The following SHISAL1 variants were observed in gnomAD, a reference collection of about 807,000 sequenced individuals.
SHISAL1 encodes shisa like 1.
A neutral mutation model predicts 22.6 loss-of-function variants in SHISAL1; 9 were observed. The observed-to-expected ratio is 0.40, with a 90% confidence interval of 0.24 to 0.70. The LOEUF is 0.70. Among genes scored for constraint, SHISAL1 ranks in the 30% least tolerant of loss-of-function variants. The pLI, the probability that SHISAL1 is intolerant of heterozygous loss-of-function variation, is 0.39. For synonymous variants in SHISAL1, 119 were observed against 115.4 expected (o/e 1.03, Z -0.20); for missense variants, 246 against 270.6 (o/e 0.91, Z 0.64).
At chr22:44,281,923 G>A (rs2055279402) in intron 4 of SHISAL1, among the ~76,000 whole-genome samples, 1 of 152,168 alleles carries the variant, frequency 6.6e-6, no homozygotes, top group Admixed American at 6.5e-5. Flanking sequence ...ACGGCACAAC[G>A]CCCCACCTGC....
At chr22:44,256,231 G>A (rs1217632740) in intron 4 of SHISAL1, among the ~76,000 whole-genome samples, 2 of 150,350 alleles carry the variant, frequency 1.3e-5, no homozygotes, top group Non-Finnish European at 3.0e-5. Flanking sequence ...TCAGGCCCTC[G>A]ACTCACACCA....
upstream of SHISAL1, among the ~76,000 whole-genome samples, chr22:44,313,841 C>A (rs1384978591): frequency 2.6e-5 from 4 of 152,326 alleles, no homozygotes; most frequent in East Asian, 7.7e-4. Flanking sequence ...CTGAGCCAGG[C>A]CAGAAATAAA....
chr22:44,276,663 G>A (rs544784864), intron 4 of SHISAL1, among the ~76,000 whole-genome samples: 17 of 152,230 alleles, frequency 1.1e-4, no homozygotes, highest in African/African-American at 3.1e-4. Context: ...GGGAGGCAGC[G>A]GGGATGTGGA....
At chr22:44,265,280 C>T (rs535812689) in intron 4 of SHISAL1, among the ~76,000 whole-genome samples, 1 of 152,262 alleles carries the variant, frequency 6.6e-6, no homozygotes, top group South Asian at 2.1e-4. Flanking sequence ...CAAGGTTAGG[C>T]TCCAAAAAGA....
intron 1 of SHISAL1, among the ~76,000 whole-genome samples, chr22:44,311,364 A>G (rs772151894): frequency 5.9e-5 from 9 of 152,134 alleles, no homozygotes; most frequent in Non-Finnish European, 1.2e-4. Flanking sequence ...AACCTCTCCT[A>G]TCTCCCCAGA....
chr22:44,277,324 C>T (rs1455167707), intron 4 of SHISAL1, among the ~76,000 whole-genome samples: 1 of 152,220 alleles, frequency 6.6e-6, no homozygotes, highest in African/African-American at 2.4e-5. Context: ...ACCCACTGTC[C>T]TGGTGAGGAG....
At chr22:44,260,778 G>A (rs2055116754) in intron 4 of SHISAL1, among the ~76,000 whole-genome samples, 1 of 152,164 alleles carries the variant, frequency 6.6e-6, no homozygotes, top group African/African-American at 2.4e-5. Flanking sequence ...GGCTGACATG[G>A]AAAAGAGGTT....
At chr22:44,269,186 A>G (rs1372132752) in intron 4 of SHISAL1, among the ~76,000 whole-genome samples, 2 of 149,984 alleles carry the variant, frequency 1.3e-5, no homozygotes, top group Admixed American at 6.6e-5. Context: ...TCACATACAT[A>G]TGCCATACAG....
intron 4 of SHISAL1, among the ~76,000 whole-genome samples, chr22:44,259,037 G>A (rs2147271264): frequency 6.6e-6 from 1 of 152,290 alleles, no homozygotes; most frequent in East Asian, 1.9e-4. Flanking sequence ...TCGACCATGA[G>A]GCTGAAAACC....
rs2054997537 is a variant in SHISAL1 at position 44,246,002 on chromosome 22, A to G, written c.*3683T>C. 1 of 152,234 alleles carries G rather than the reference A, an allele frequency of 6.6e-6. No homozygotes were observed. Among genetic ancestry groups the G allele is most frequent in the Admixed American group, 6.5e-5 (1 of 15,284 alleles). 9.4% of individuals were successfully genotyped at this position (152,234 alleles called of 1,614,324 possible). On this transcript the variant is annotated 3_prime_UTR_variant, in exon 5 of 5. Coordinates refer to ENST00000381176, the MANE Select transcript of SHISAL1 (RefSeq NM_001099294.2). ...TGTGTGTGTGCGCGCATGTGCATGT[A>G]TGTACTTGTGTGTTTTTTCAATTAA...
intron 4 of SHISAL1, among the ~76,000 whole-genome samples, chr22:44,273,290 C>T (rs891460635): frequency 1.3e-5 from 2 of 152,100 alleles, no homozygotes; most frequent in African/African-American, 2.4e-5. Flanking sequence ...GTCAATTTCC[C>T]GAGCGTAAAT....
intron 2 of SHISAL1, among the ~76,000 whole-genome samples, chr22:44,298,461 G>T (rs937600764): frequency 6.6e-6 from 1 of 151,442 alleles, no homozygotes; most frequent in Non-Finnish European, 1.5e-5. Flanking sequence ...GATGCTGATG[G>T]GCTTGGGTTT....
intron 4 of SHISAL1, among the ~76,000 whole-genome samples, chr22:44,262,347 C>A (rs1045672118): frequency 6.6e-6 from 1 of 151,902 alleles, no homozygotes; most frequent in African/African-American, 2.4e-5. Context: ...CTTCATCTGC[C>A]AGGAGAAGGT....
At chr22:44,287,380 T>C (rs2147292259) in intron 3 of SHISAL1, among the ~76,000 whole-genome samples, 1 of 152,324 alleles carries the variant, frequency 6.6e-6, no homozygotes, top group Non-Finnish European at 1.5e-5. Flanking sequence ...TCCTCTCACT[T>C]GGCCAAGTTC....
chr22:44,285,888 C>G (rs1041177767), intron 3 of SHISAL1, 143 bp from the exon 4 acceptor site: 1 of 699,612 alleles, frequency 1.4e-6, no homozygotes, highest in African/African-American at 1.8e-5. Flanking sequence ...CTCTGGAGGG[C>G]GGGGCCTTGG....
At chr22:44,303,478 G>A (rs1601804001) in intron 1 of SHISAL1, among the ~76,000 whole-genome samples, 3 of 152,244 alleles carry the variant, frequency 2.0e-5, no homozygotes, top group Non-Finnish European at 2.9e-5. Flanking sequence ...GGAAGATGGA[G>A]GCAGAGGTTG....
Position 44,286,387 on chromosome 22 carries a change from G to T in SHISAL1, c.282-642C>A, listed in dbSNP as rs188655121. ...TTCATTTGCCCAACATTTCCCCACCGAGGGCTGCTCTGCCTTCCTCAGGCA... is the reference window on the plus strand; with the variant it reads ...TTCATTTGCCCAACATTTCCCCACCTAGGGCTGCTCTGCCTTCCTCAGGCA... On this transcript the variant is annotated intron_variant, in intron 3 of 4. Transcript: ENST00000381176. Among the ~76,000 whole-genome samples, 42 of 152,220 alleles carry T rather than the reference G, an allele frequency of 2.8e-4. No homozygotes were observed. The East Asian group carries it at 7.6e-3, about 27-fold the overall frequency.
At chr22:44,275,965 A>G (rs767930894) in intron 4 of SHISAL1, among the ~76,000 whole-genome samples, 1 of 152,264 alleles carries the variant, frequency 6.6e-6, no homozygotes, top group Non-Finnish European at 1.5e-5. Context: ...TTGAGCACCT[A>G]CTATGTGTCA....
intron 4 of SHISAL1, among the ~76,000 whole-genome samples, chr22:44,251,129 G>C (rs961040931): frequency 6.6e-6 from 1 of 152,180 alleles, no homozygotes; most frequent in Non-Finnish European, 1.5e-5. Context: ...TACTTGAATA[G>C]TTTATTGTTT....
Sources: allele counts gnomAD v4.1 joint callset (sites outside exome capture counted in the v4.1 genomes callset), GRCh38; gene constraint gnomAD v4.1.1; transcripts MANE v1.5; gene names NCBI Gene and HGNC (gene_info 2026-07-23, HGNC 2026-07-21).